Variants in KLHL32 observed in about 807,000 individuals in gnomAD.
KLHL32 encodes the protein kelch like family member 32, also known as kelch-like protein 32.
In KLHL32, 35 loss-of-function variants were observed where a neutral mutation model predicts 64.8. The ratio of observed to expected loss-of-function variants is 0.54; its 90% CI spans 0.41 to 0.72. The LOEUF (loss-of-function observed/expected upper bound fraction) is 0.72. Ranked by LOEUF, KLHL32 falls within the 30% of genes least tolerant of loss-of-function variation. The probability of loss-of-function intolerance (pLI) is 0.00; values close to 1 mark genes in which losing one functional copy is unlikely to be tolerated. For missense variants in KLHL32, 589 were observed against 768.5 expected (o/e 0.77, Z 2.76); for synonymous variants, 259 against 281.0 (o/e 0.92, Z 0.78).
intron 5 of KLHL32, among the ~76,000 whole-genome samples, chr6:97,067,562 A>C (rs1426091995): frequency 6.6e-6 from 1 of 152,046 alleles, no homozygotes; most frequent in African/African-American, 2.4e-5. Context: ...GACCATCACT[A>C]TCTTTCCCAA....
At chr6:96,923,183 A>T (rs1310772133), upstream of KLHL32, among the ~76,000 whole-genome samples, 7 of 152,236 alleles carry the variant, frequency 4.6e-5, no homozygotes, top group African/African-American at 1.7e-4. Flanking sequence ...GCTGCTATTT[A>T]TTCTAAACAG....
intron 1 of KLHL32, among the ~76,000 whole-genome samples, chr6:96,956,180 T>G (rs1773246438): frequency 6.6e-6 from 1 of 152,174 alleles, no homozygotes; most frequent in African/African-American, 2.4e-5. Context: ...GAGAAAGACC[T>G]GCCCCCATGA....
chr6:97,002,121 A>G (rs773024414), intron 3 of KLHL32, among the ~76,000 whole-genome samples: 3 of 152,232 alleles, frequency 2.0e-5, no homozygotes, highest in Non-Finnish European at 4.4e-5. Flanking sequence ...GGCCTGAACT[A>G]GGAGAGGTGT....
chr6:96,952,583 ACG>A (rs1772756928), intron 1 of KLHL32, among the ~76,000 whole-genome samples: 1 of 152,154 alleles, frequency 6.6e-6, no homozygotes, highest in South Asian at 2.1e-4. Flanking sequence ...CCTAAAACTG[ACG>A]CTTCCTTGTT....
intron 1 of KLHL32, among the ~76,000 whole-genome samples, chr6:96,939,328 A>G (rs1025865702): frequency 6.6e-6 from 1 of 152,218 alleles, no homozygotes; most frequent in African/African-American, 2.4e-5. Flanking sequence ...GTCAGGCATT[A>G]TGCCAAAGGC....
chr6:97,077,443 C>T (rs1791777307), intron 5 of KLHL32, among the ~76,000 whole-genome samples: 1 of 151,710 alleles, frequency 6.6e-6, no homozygotes, highest in Non-Finnish European at 1.5e-5. Flanking sequence ...CTGATCATCA[C>T]TAAAAACCAA....
chr6:97,058,336 G>A (rs922075911), intron 4 of KLHL32, among the ~76,000 whole-genome samples: 1 of 152,198 alleles, frequency 6.6e-6, no homozygotes, highest in Non-Finnish European at 1.5e-5. Flanking sequence ...GGGAAGAACT[G>A]ACATCTTGAC....
intron 5 of KLHL32, among the ~76,000 whole-genome samples, chr6:97,065,958 A>G (rs1789672069): frequency 6.6e-6 from 1 of 151,418 alleles, no homozygotes; most frequent in Non-Finnish European, 1.5e-5. Context: ...ATTTGAGCAC[A>G]TTTAATCTAA....
intron 5 of KLHL32, among the ~76,000 whole-genome samples, chr6:97,069,645 C>T (rs540512456): frequency 7.2e-5 from 11 of 152,072 alleles, no homozygotes; most frequent in African/African-American, 2.7e-4. Context: ...TATACCCTCC[C>T]TCCCTTCACA....
chr6:96,907,622 A>G, the KLHL32 span, among the ~76,000 whole-genome samples: 1 of 152,172 alleles, frequency 6.6e-6, no homozygotes, highest in Non-Finnish European at 1.5e-5. Context: ...CCCTTTCACC[A>G]GTTTCTTACC....
intron 3 of KLHL32, among the ~76,000 whole-genome samples, chr6:96,997,778 A>G (rs1339660652): frequency 6.6e-6 from 1 of 152,150 alleles, no homozygotes; most frequent in African/African-American, 2.4e-5. Flanking sequence ...CCTCCTGCTT[A>G]AGCCTCTCAA....
chr6:97,056,106 C>CTTTTTTTTTTTTTT (rs1171932769), intron 4 of KLHL32, among the ~76,000 whole-genome samples: 5 of 85,080 alleles, frequency 5.9e-5, no homozygotes, highest in East Asian at 2.9e-4. Context: ...CTTTTTTTTT[C>CTTTTTTTTTTTTTT]TTTTTTTTTT....
At chr6:97,007,522 C>T (rs936440486) in intron 3 of KLHL32, among the ~76,000 whole-genome samples, 1 of 152,184 alleles carries the variant, frequency 6.6e-6, no homozygotes, top group Non-Finnish European at 1.5e-5. Flanking sequence ...CCATTGCTGA[C>T]AAACTAGCGT....
chr6:97,058,997 G>C (rs1297557562), intron 4 of KLHL32, among the ~76,000 whole-genome samples: 1 of 152,166 alleles, frequency 6.6e-6, no homozygotes, highest in Admixed American at 6.5e-5. Context: ...GTACAAATAA[G>C]AACACTGAGG....
intron 6 of KLHL32, among the ~76,000 whole-genome samples, chr6:97,087,374 T>C (rs532383410): frequency 6.6e-6 from 1 of 152,068 alleles, no homozygotes; most frequent in Non-Finnish European, 1.5e-5. Flanking sequence ...CAGCCCAGAG[T>C]AGAGATTGGG....
intron 3 of KLHL32, among the ~76,000 whole-genome samples, chr6:97,027,108 G>A (rs1782822513): frequency 6.6e-6 from 1 of 150,478 alleles, no homozygotes; most frequent in Admixed American, 6.7e-5. Flanking sequence ...GTTGCAGTGA[G>A]CCGAGATTGC....
chr6:97,074,964 G>A (rs1159072412), intron 5 of KLHL32, among the ~76,000 whole-genome samples: 1 of 151,916 alleles, frequency 6.6e-6, no homozygotes, highest in Non-Finnish European at 1.5e-5. Flanking sequence ...ACAGCATTTT[G>A]CAGCACGTAG....
upstream of KLHL32, among the ~76,000 whole-genome samples, chr6:96,921,907 G>A (rs1016461068): frequency 3.9e-5 from 6 of 152,168 alleles, no homozygotes; most frequent in Non-Finnish European, 8.8e-5. Context: ...TGTGTTCCAA[G>A]ATGCTTATCA....
chr6:97,132,590 G>C, intron 9 of KLHL32, 63 bp from the exon 10 acceptor site: 1 of 1,275,308 alleles, frequency 7.8e-7, no homozygotes, highest in South Asian at 1.2e-5. Flanking sequence ...AGTGGCAAAA[G>C]GGTTAATTAA....
Sources: gnomAD v4.1 joint callset for allele counts (sites outside exome capture counted in the v4.1 genomes callset) on GRCh38, gnomAD v4.1.1 for gene constraint, MANE v1.5 for transcripts, NCBI Gene and HGNC (gene_info 2026-07-23, HGNC 2026-07-21) for gene names.